Variants in SH2D4A observed in about 807,000 individuals in gnomAD.
SH2D4A encodes SH2 domain containing 4A, also known as SH2 domain-containing protein 4A.
SH2D4A carries 70 observed loss-of-function variants against 64.7 expected under a neutral mutation model. That is an observed-to-expected ratio of 1.08 (90% CI 0.89 to 1.32). SH2D4A has a LOEUF of 1.32. SH2D4A is among the 40% of genes most tolerant of loss of function. The pLI, the probability that SH2D4A is intolerant of heterozygous loss-of-function variation, is 0.00. For missense variants in SH2D4A, 706 were observed against 540.1 expected (o/e 1.31, Z -3.04); for synonymous variants, 268 against 200.7 (o/e 1.34, Z -2.83).
chr8:19,364,367 C>G lies in SH2D4A; in HGVS notation c.917+85C>G. ...TGAAATTAAAGGGGAATTGTATGAG[C>G]TGCCATGGGGTGTGGAGGGCCAACT... On this transcript the variant is annotated intron_variant, in intron 7 of 9. Coordinates refer to ENST00000265807, the MANE Select transcript of SH2D4A (RefSeq NM_022071.4). The G allele has an allele frequency of 2.7e-6, 4 of 1,479,332 alleles. No individual in the cohort carries two copies. The South Asian group carries it at 4.8e-5, about 18-fold the overall frequency. 91.6% of individuals were successfully genotyped at this position (1,479,332 alleles called of 1,614,324 possible).
intron 4 of SH2D4A, among the ~76,000 whole-genome samples, chr8:19,342,001 T>A (rs1288013186): frequency 1.3e-5 from 2 of 152,310 alleles, no homozygotes; most frequent in Admixed American, 1.3e-4. Context: ...CAAATATTGA[T>A]GTGTATTCAG....
chr8:19,392,832 C>T (rs1179592181), intron 8 of SH2D4A, among the ~76,000 whole-genome samples: 2 of 151,988 alleles, frequency 1.3e-5, no homozygotes, highest in East Asian at 3.9e-4. Flanking sequence ...AGCTCCGTTT[C>T]CTGGGTTCAC....
At chr8:19,323,221 G>C (rs1361752147) in intron 2 of SH2D4A, among the ~76,000 whole-genome samples, 2 of 152,072 alleles carry the variant, frequency 1.3e-5, no homozygotes, top group African/African-American at 4.8e-5. Flanking sequence ...GGCTAGTCTG[G>C]ATTGAGGTGT....
intron 2 of SH2D4A, 113 bp from the exon 3 acceptor site, chr8:19,332,842 G>GAT (rs3042985): frequency 0.11 from 90,285 of 824,244 alleles, 2,099 homozygotes; most frequent in African/African-American, 0.17. Flanking sequence ...TGTCTCATCT[G>GAT]ATATATATAT....
At chr8:19,383,962 T>A (rs1190395511) in intron 8 of SH2D4A, among the ~76,000 whole-genome samples, 3 of 152,200 alleles carry the variant, frequency 2.0e-5, no homozygotes, top group African/African-American at 7.2e-5. Flanking sequence ...TCAGCTGATA[T>A]GTAAAGTGCT....
chr8:19,352,128 T>G (rs112276602), intron 4 of SH2D4A, among the ~76,000 whole-genome samples: 124 of 152,348 alleles, frequency 8.1e-4, no homozygotes, highest in African/African-American at 2.8e-3. Flanking sequence ...TAGAAGCCAG[T>G]ATCAACTGTT....
At chr8:19,317,048 G>T (rs568908989) in intron 1 of SH2D4A, among the ~76,000 whole-genome samples, 1 of 152,324 alleles carries the variant, frequency 6.6e-6, no homozygotes, top group South Asian at 2.1e-4. Context: ...CCCATGCCTT[G>T]AATAGGATTC....
chr8:19,357,414 T>C, intron 5 of SH2D4A, 131 bp downstream of exon 5: 1 of 723,658 alleles, frequency 1.4e-6, no homozygotes, highest in South Asian at 1.7e-5. Context: ...TCCTAAAAGC[T>C]GCAAACACAG....
At chr8:19,319,255 T>A in intron 1 of SH2D4A, 89 bp from the exon 2 acceptor site, 1 of 998,820 alleles carries the variant, frequency 1.0e-6, no homozygotes, top group Non-Finnish European at 1.2e-6. Context: ...GATACTGTGT[T>A]TCCTCCTAGC....
At chr8:19,363,607 A>G (rs1205232409) in intron 6 of SH2D4A, among the ~76,000 whole-genome samples, 4 of 151,706 alleles carry the variant, frequency 2.6e-5, no homozygotes, top group African/African-American at 9.7e-5. Context: ...CTGCTCCTTC[A>G]CCCTATGCAC....
At chr8:19,393,907 G>A (rs769249537) in intron 9 of SH2D4A, among the ~76,000 whole-genome samples, 1 of 152,158 alleles carries the variant, frequency 6.6e-6, no homozygotes, top group Non-Finnish European at 1.5e-5. Flanking sequence ...ATGGTTTCAG[G>A]ATGATTTAAG....
chr8:19,367,216 A>G (rs2053012426), intron 7 of SH2D4A, among the ~76,000 whole-genome samples: 1 of 152,182 alleles, frequency 6.6e-6, no homozygotes, highest in South Asian at 2.1e-4. Context: ...TAAACATGGG[A>G]GTGCAAGTAT....
At chr8:19,314,216 C>T (rs1005759037) in intron 1 of SH2D4A, 4 of 589,198 alleles carry the variant, frequency 6.8e-6, no homozygotes, top group Admixed American at 5.9e-5. Context: ...CTTCCACCCG[C>T]GGGGAGTGCA....
chr8:19,316,433 G>A (rs913418231), intron 1 of SH2D4A, among the ~76,000 whole-genome samples: 6 of 152,222 alleles, frequency 3.9e-5, no homozygotes, highest in African/African-American at 2.4e-5. Flanking sequence ...AGGGGAAATT[G>A]TAGAGACGAA....
intron 7 of SH2D4A, 138 bp downstream of exon 7, chr8:19,364,420 A>C (rs2052952963): frequency 1.1e-6 from 1 of 901,810 alleles, no homozygotes; most frequent in Non-Finnish European, 1.7e-6. Flanking sequence ...GCTCAGGTTC[A>C]TGTCTAAGCC....
At chr8:19,338,007 A>G (rs2052471475) in intron 4 of SH2D4A, among the ~76,000 whole-genome samples, 1 of 152,214 alleles carries the variant, frequency 6.6e-6, no homozygotes, top group Non-Finnish European at 1.5e-5. Flanking sequence ...GAGGGGGCAT[A>G]GCCCTGCACA....
chr8:19,330,775 A>T (rs745882630), intron 2 of SH2D4A, among the ~76,000 whole-genome samples: 43 of 152,204 alleles, frequency 2.8e-4, no homozygotes, highest in Admixed American at 8.5e-4. Flanking sequence ...GTCAAAAAAA[A>T]AATACCGACA....
intron 2 of SH2D4A, among the ~76,000 whole-genome samples, chr8:19,329,108 C>T (rs1282359174): frequency 6.6e-6 from 1 of 152,168 alleles, no homozygotes; most frequent in Non-Finnish European, 1.5e-5. Flanking sequence ...CCTGCTGATT[C>T]CCTTCTCTGT....
At chr8:19,336,702 A>C (rs1282364858) in intron 4 of SH2D4A, among the ~76,000 whole-genome samples, 1 of 151,906 alleles carries the variant, frequency 6.6e-6, no homozygotes, top group Non-Finnish European at 1.5e-5. Context: ...CCATCTCTAC[A>C]AAAAATTAAA....
Sources: gnomAD v4.1 joint callset for allele counts (sites outside exome capture counted in the v4.1 genomes callset) on GRCh38, gnomAD v4.1.1 for gene constraint, MANE v1.5 for transcripts, NCBI Gene and HGNC (gene_info 2026-07-23, HGNC 2026-07-21) for gene names.